MARCHF1: variants seen among roughly 807,000 people sequenced by gnomAD.
The protein encoded by MARCHF1 is membrane associated ring-CH-type finger 1.
Under a neutral mutation model 54.2 loss-of-function variants are expected in MARCHF1, and 40 were observed. The ratio of observed to expected loss-of-function variants is 0.74; its 90% CI spans 0.57 to 0.96. The LOEUF is 0.96. MARCHF1 is among the 40% of genes least tolerant of loss of function. MARCHF1 has a pLI of 0.00. For synonymous variants in MARCHF1, 236 were observed against 236.3 expected (o/e 1.00, Z 0.01); for missense variants, 586 against 656.5 (o/e 0.89, Z 1.17).
chr4:163,778,117 A>C (rs928607951), intron 4 of MARCHF1, among the ~76,000 whole-genome samples: 1 of 152,210 alleles, frequency 6.6e-6, no homozygotes, highest in Non-Finnish European at 1.5e-5. Flanking sequence ...ATTTATTGCT[A>C]AGCAGGATTC....
intron 1 of MARCHF1, among the ~76,000 whole-genome samples, chr4:164,148,607 T>C (rs928837109): frequency 1.3e-5 from 2 of 152,122 alleles, no homozygotes; most frequent in African/African-American, 4.8e-5. Flanking sequence ...GAAGTTCCTA[T>C]AGCAATGAAG....
intron 7 of MARCHF1, among the ~76,000 whole-genome samples, chr4:163,601,535 A>T (rs138514815): frequency 1.3e-3 from 191 of 152,206 alleles, no homozygotes; most frequent in African/African-American, 3.9e-3. Flanking sequence ...GATAAACTCT[A>T]TCTAATTCAT....
intron 3 of MARCHF1, among the ~76,000 whole-genome samples, chr4:163,949,054 G>C (rs1020487177): frequency 1.3e-5 from 2 of 152,174 alleles, no homozygotes; most frequent in Admixed American, 6.5e-5. Context: ...GCTTGGGCCC[G>C]CTGGGCTCAT....
chr4:164,003,969 G>A (rs1032710646), intron 2 of MARCHF1, among the ~76,000 whole-genome samples: 3 of 152,076 alleles, frequency 2.0e-5, no homozygotes, highest in Non-Finnish European at 4.4e-5. Context: ...AAAAGAATGA[G>A]ATCATGTCCT....
chr4:163,833,099 T>C (rs902407019), intron 4 of MARCHF1, among the ~76,000 whole-genome samples: 6 of 152,142 alleles, frequency 3.9e-5, no homozygotes, highest in African/African-American at 1.4e-4. Flanking sequence ...CCTTTGGGTA[T>C]ATACCCAGTA....
chr4:163,574,814 A>G (rs1382323954), intron 8 of MARCHF1, among the ~76,000 whole-genome samples: 1 of 151,702 alleles, frequency 6.6e-6, no homozygotes, highest in Non-Finnish European at 1.5e-5. Flanking sequence ...TTTTGGTTCC[A>G]TATGAACTTT....
At chr4:163,532,275 G>A (rs549632540) in intron 9 of MARCHF1, among the ~76,000 whole-genome samples, 143 of 151,910 alleles carry the variant, frequency 9.4e-4, no homozygotes, top group African/African-American at 3.2e-3. Flanking sequence ...CCCAGAAATA[G>A]ACTGATACAA....
At chr4:164,382,306 C>T (rs1397150167) in intron 1 of MARCHF1, among the ~76,000 whole-genome samples, 1 of 151,994 alleles carries the variant, frequency 6.6e-6, no homozygotes, top group Admixed American at 6.5e-5. Flanking sequence ...TTAGAATCAT[C>T]TATCTTTAAA....
intron 3 of MARCHF1, among the ~76,000 whole-genome samples, chr4:163,964,629 G>T (rs1330045636): frequency 6.6e-6 from 1 of 151,920 alleles, no homozygotes; most frequent in Non-Finnish European, 1.5e-5. Flanking sequence ...TGTAAATCAG[G>T]TCAAATAAAT....
chr4:163,757,489 AATG>A (rs1435986770), intron 4 of MARCHF1, among the ~76,000 whole-genome samples: 2 of 152,210 alleles, frequency 1.3e-5, no homozygotes, highest in South Asian at 2.1e-4. Flanking sequence ...AGTCTGTAAT[AATG>A]ATGTCATTTT....
chr4:163,587,801 G>T (rs1216802377), intron 7 of MARCHF1, among the ~76,000 whole-genome samples: 3 of 152,112 alleles, frequency 2.0e-5, no homozygotes, highest in Non-Finnish European at 2.9e-5. Flanking sequence ...AATGTGCAAT[G>T]TAACATTTAA....
intron 4 of MARCHF1, among the ~76,000 whole-genome samples, chr4:163,724,202 G>C (rs1237062717): frequency 2.0e-5 from 3 of 152,178 alleles, no homozygotes; most frequent in African/African-American, 7.2e-5. Context: ...ATGGGGTTTT[G>C]GTGTGGATGT....
intron 2 of MARCHF1, among the ~76,000 whole-genome samples, chr4:164,109,103 G>A (rs1384691726): frequency 6.6e-6 from 1 of 152,038 alleles, no homozygotes; most frequent in Admixed American, 6.6e-5. Context: ...TGTGAAACCT[G>A]TTACTCTCTC....
chr4:164,079,420 T>A (rs1465914833), intron 2 of MARCHF1, among the ~76,000 whole-genome samples: 1 of 152,174 alleles, frequency 6.6e-6, no homozygotes, highest in Non-Finnish European at 1.5e-5. Flanking sequence ...ATTGGCCAAA[T>A]CGAGTACTTT....
In MARCHF1 at chr4:163,528,578, T is replaced by G; in HGVS notation, c.*170A>C. 7 of 606,696 alleles carry G rather than the reference T, an allele frequency of 1.2e-5. No individual in the cohort carries two copies. The highest frequency in any genetic ancestry group is 1.9e-5 in the African/African-American group (1 of 51,542). 37.6% of individuals were successfully genotyped at this position (606,696 alleles called of 1,614,324 possible). On this transcript the variant is annotated 3_prime_UTR_variant, in exon 10 of 10. Transcript: ENST00000514618. The stretch of plus-strand genomic sequence containing the variant: ...CTATTACTTCATGGGCTCCTGGGCA[T>G]TTGGTCTGTTTGTTTTTCTCCTTTC...
At chr4:164,320,075 G>A (rs750525266) in intron 1 of MARCHF1, among the ~76,000 whole-genome samples, 7 of 152,242 alleles carry the variant, frequency 4.6e-5, no homozygotes, top group Admixed American at 3.9e-4. Flanking sequence ...ACATCCATGA[G>A]TCTAATTGTA....
In MARCHF1 at chr4:163,779,784, C is replaced by G. The variant is rs1747411017; in HGVS notation, c.111+74237G>C. Among the ~76,000 whole-genome samples the G allele has an allele frequency of 5.9e-5, 9 of 152,032 alleles. 1 individual carries two copies. The highest frequency in any genetic ancestry group is 5.9e-4 in the Admixed American group (9 of 15,266). On this transcript the variant is annotated intron_variant, in intron 4 of 9. Transcript: ENST00000514618. The stretch of plus-strand genomic sequence containing the variant: ...GGAGAGATTCGTTTTCTAAAATCTA[C>G]CCTAATGTTCTCTGTCATCCACTGC...
Position 163,527,453 on chromosome 4 carries a change from T to C in MARCHF1, c.*1295A>G, listed in dbSNP as rs529746842. On this transcript the variant is annotated 3_prime_UTR_variant, in exon 10 of 10. Coordinates refer to ENST00000514618, the MANE Select transcript of MARCHF1 (RefSeq NM_001394959.1). ...GATTTAATAACAAAAATAGGTAATT[T>C]TATTCCCCTATTGTAAGTACTTCAT... 6.6e-6 allele frequency: 1 copy of C among 152,232 alleles called. No individual in the cohort carries two copies. The highest frequency in any genetic ancestry group is 2.4e-5 in the African/African-American group (1 of 41,578). 9.4% of individuals were successfully genotyped at this position (152,232 alleles called of 1,614,324 possible). A position where few individuals can be genotyped will look rare whatever the true frequency, so the allele number is the denominator to read the frequency against.
At chr4:164,299,064 A>G (rs1009224899) in intron 1 of MARCHF1, among the ~76,000 whole-genome samples, 5 of 152,188 alleles carry the variant, frequency 3.3e-5, no homozygotes, top group Admixed American at 1.3e-4. Context: ...ATCTCAAAAC[A>G]TATTCTCCTC....
Sources: allele counts gnomAD v4.1 joint callset (sites outside exome capture counted in the v4.1 genomes callset), GRCh38; gene constraint gnomAD v4.1.1; transcripts MANE v1.5; gene names NCBI Gene and HGNC (gene_info 2026-07-23, HGNC 2026-07-21).